Variants in RBFOX1 observed in about 807,000 individuals in gnomAD.
RBFOX1 encodes RNA binding fox-1 homolog 1, also known as RNA binding protein fox-1 homolog 1.
RBFOX1 carries 8 observed loss-of-function variants against 57.7 expected under a neutral mutation model. The ratio of observed to expected loss-of-function variants is 0.14; its 90% CI spans 0.08 to 0.25. The LOEUF (loss-of-function observed/expected upper bound fraction) is 0.25, where lower values mean the gene tolerates loss of function less well. Ranked by LOEUF, RBFOX1 falls within the 10% of genes least tolerant of loss-of-function variation. RBFOX1 has a pLI of 1.00. For synonymous variants in RBFOX1, 326 were observed against 222.4 expected (o/e 1.47, Z -4.15); for missense variants, 611 against 548.5 (o/e 1.11, Z -1.14).
rs367572860 is a variant in RBFOX1, at chr16:6,856,624, G to T, written c.-15-195433G>T. ...GGAATTCATTAAAGATGAGAAGACA[G>T]TGATAAACCACCTCTTGTGCAGGAA... is the stretch of plus-strand genomic sequence containing the variant. On this transcript the variant is annotated intron_variant, in intron 3 of 15. Transcript: ENST00000550418. Among the ~76,000 whole-genome samples, 12 of 152,264 alleles carry T rather than the reference G, an allele frequency of 7.9e-5. No individual in the cohort carries two copies. The East Asian group carries it at 1.9e-3, about 24-fold the overall frequency.
intron 4 of RBFOX1, among the ~76,000 whole-genome samples, chr16:7,517,767 G>A (rs2076683235): frequency 6.7e-6 from 1 of 150,306 alleles, no homozygotes; most frequent in African/African-American, 2.5e-5. Flanking sequence ...TGCTGTCACT[G>A]CAGACAACTA....
intron 2 of RBFOX1, among the ~76,000 whole-genome samples, chr16:6,324,742 G>A (rs1428590167): frequency 6.6e-6 from 1 of 152,150 alleles, no homozygotes; most frequent in Non-Finnish European, 1.5e-5. Flanking sequence ...ATATCAAATG[G>A]TCTTTAACTA....
At chr16:5,482,479 C>A (rs1292004553) in intron 2 of RBFOX1, among the ~76,000 whole-genome samples, 2 of 152,224 alleles carry the variant, frequency 1.3e-5, no homozygotes, top group East Asian at 1.9e-4. Context: ...ACAGCCAGGG[C>A]TGCCTGGTGC....
intron 2 of RBFOX1, among the ~76,000 whole-genome samples, chr16:5,580,074 A>C (rs910505066): frequency 6.6e-6 from 1 of 152,128 alleles, no homozygotes. Context: ...CCCAGCTGGC[A>C]GTTAATTCTT....
intron 4 of RBFOX1, among the ~76,000 whole-genome samples, chr16:7,072,319 C>G (rs933118719): frequency 6.6e-6 from 1 of 152,198 alleles, no homozygotes; most frequent in East Asian, 1.9e-4. Context: ...CATTACAGTG[C>G]TTATCACCTT....
intron 4 of RBFOX1, among the ~76,000 whole-genome samples, chr16:7,243,021 T>A (rs1253882342): frequency 2.0e-5 from 3 of 152,192 alleles, no homozygotes; most frequent in African/African-American, 7.2e-5. Flanking sequence ...TTTCAGGATG[T>A]CAAGCCCTGG....
intron 2 of RBFOX1, among the ~76,000 whole-genome samples, chr16:5,512,459 G>C (rs879515476): frequency 2.7e-5 from 4 of 150,428 alleles, no homozygotes; most frequent in Non-Finnish European, 5.9e-5. Flanking sequence ...CTTTCATTAT[G>C]TGGATAAGTG....
At chr16:6,960,175 C>A (rs77742869) in intron 3 of RBFOX1, among the ~76,000 whole-genome samples, 1 of 152,070 alleles carries the variant, frequency 6.6e-6, no homozygotes, top group Non-Finnish European at 1.5e-5. Flanking sequence ...CTCCCCACAC[C>A]TCCATGATTT....
At chr16:5,541,404 G>T (rs766342536) in intron 2 of RBFOX1, among the ~76,000 whole-genome samples, 1 of 152,056 alleles carries the variant, frequency 6.6e-6, no homozygotes. Context: ...GCACAGCCTG[G>T]ATTTCACTTA....
At chr16:6,543,271 A>G (rs1443562706) in intron 2 of RBFOX1, among the ~76,000 whole-genome samples, 2 of 152,100 alleles carry the variant, frequency 1.3e-5, no homozygotes, top group Non-Finnish European at 2.9e-5. Flanking sequence ...CTGTGAGCTC[A>G]GCAACTCTGG....
chr16:5,240,055 C>T (rs906996901), exon 1 of RBFOX1: 4 of 1,331,168 alleles, frequency 3.0e-6, no homozygotes, highest in African/African-American at 3.5e-5. Context: ...GGACGCGCCG[C>T]GGCCGGGCAG....
chr16:7,219,610 G>A (rs748630747), intron 4 of RBFOX1, among the ~76,000 whole-genome samples: 1 of 152,168 alleles, frequency 6.6e-6, no homozygotes, highest in Non-Finnish European at 1.5e-5. Context: ...GAACAAGCGT[G>A]GCGGATTTTT....
chr16:6,751,062 A>G (rs28497888), intron 3 of RBFOX1, among the ~76,000 whole-genome samples: 2,440 of 152,280 alleles, frequency 0.016, 61 homozygotes, highest in African/African-American at 0.056. Context: ...AAAGGAGATC[A>G]GGGTGGCAAA....
At chr16:7,674,287 C>T (rs1387175719) in intron 13 of RBFOX1, among the ~76,000 whole-genome samples, 1 of 152,144 alleles carries the variant, frequency 6.6e-6, no homozygotes, top group African/African-American at 2.4e-5. Context: ...AATCCTTTGG[C>T]CACCAGTCCC....
In RBFOX1 at chr16:7,091,962, G is replaced by A. The variant is rs543398260; in HGVS notation, c.27+39864G>A. On this transcript the variant is annotated intron_variant, in intron 4 of 15. Coordinates refer to ENST00000550418, the MANE Select transcript of RBFOX1 (RefSeq NM_018723.4). ...GAAACAACATCTGCCCATTTTGTTT[G>A]ACATTCTCTTTTCCCCTTTATTTCA... is the stretch of plus-strand genomic sequence containing the variant. 1.4e-4 allele frequency among the ~76,000 whole-genome samples: 21 copies of A among 152,174 alleles called. No homozygotes were observed. The South Asian group carries it at 4.4e-3, about 32-fold the overall frequency.
At chr16:5,615,386 G>T (rs977799891) in intron 3 of RBFOX1, among the ~76,000 whole-genome samples, 2 of 152,204 alleles carry the variant, frequency 1.3e-5, no homozygotes, top group African/African-American at 4.8e-5. Flanking sequence ...ATGTGTGCTT[G>T]ATAGACCCTA....
intron 1 of RBFOX1, among the ~76,000 whole-genome samples, chr16:6,052,803 A>ATAT (rs1314245052): frequency 2.3e-5 from 1 of 44,394 alleles, no homozygotes; most frequent in Non-Finnish European, 3.9e-5. Flanking sequence ...ATAAAATAAA[A>ATAT]TATAATAATA....
intron 3 of RBFOX1, among the ~76,000 whole-genome samples, chr16:6,817,764 AGT>A (rs2090417926): frequency 6.6e-6 from 1 of 152,146 alleles, no homozygotes; most frequent in African/African-American, 2.4e-5. Flanking sequence ...GTGTGTGTTA[AGT>A]ACATCTGTTA....
At chr16:6,251,512 A>G (rs13338644) in intron 1 of RBFOX1, among the ~76,000 whole-genome samples, 51,322 of 151,870 alleles carry the variant, frequency 0.34, 8,817 homozygotes, top group Middle Eastern at 0.52. Context: ...TTTATTATAC[A>G]TGGGTTTGGG....
Sources: gnomAD v4.1 joint callset for allele counts (sites outside exome capture counted in the v4.1 genomes callset) on GRCh38, gnomAD v4.1.1 for gene constraint, MANE v1.5 for transcripts, NCBI Gene and HGNC (gene_info 2026-07-23, HGNC 2026-07-21) for gene names.